Variants in PEBP4 observed in about 807,000 individuals in gnomAD.
The protein encoded by PEBP4 is phosphatidylethanolamine-binding protein 4.
A neutral mutation model predicts 23.9 loss-of-function variants in PEBP4; 22 were observed. The ratio of observed to expected loss-of-function variants is 0.92; its 90% CI spans 0.66 to 1.31. The LOEUF (loss-of-function observed/expected upper bound fraction) is 1.31, where lower values mean the gene tolerates loss of function less well. Ranked by LOEUF, PEBP4 falls within the 40% of genes most tolerant of loss-of-function variation. The probability of loss-of-function intolerance (pLI) is 0.00; values close to 1 mark genes in which losing one functional copy is unlikely to be tolerated. For synonymous variants in PEBP4, 112 were observed against 99.3 expected (o/e 1.13, Z -0.76); for missense variants, 324 against 281.7 (o/e 1.15, Z -1.07).
At chr8:22,821,244 G>C (rs1806851219) in intron 3 of PEBP4, among the ~76,000 whole-genome samples, 8 of 152,068 alleles carry the variant, frequency 5.3e-5, no homozygotes, top group Admixed American at 3.9e-4. Flanking sequence ...GAAGAGGATA[G>C]AATAAAGGAT....
intron 3 of PEBP4, among the ~76,000 whole-genome samples, chr8:22,861,415 C>G (rs191531237): frequency 6.6e-6 from 1 of 152,220 alleles, no homozygotes; most frequent in Non-Finnish European, 1.5e-5. Context: ...ATATCGACTA[C>G]TATCCCCATT....
At chr8:22,769,729 G>A (rs1805681114) in intron 4 of PEBP4, among the ~76,000 whole-genome samples, 1 of 152,082 alleles carries the variant, frequency 6.6e-6, no homozygotes, top group African/African-American at 2.4e-5. Context: ...AATGTCGCCA[G>A]CATATGTCCC....
At chr8:22,821,138 G>A (rs796495066) in intron 3 of PEBP4, among the ~76,000 whole-genome samples, 12 of 152,310 alleles carry the variant, frequency 7.9e-5, no homozygotes, top group African/African-American at 2.9e-4. Flanking sequence ...AGTGAGCCAT[G>A]ACTGCACCAC....
chr8:22,725,076 C>A (rs1179196625), intron 5 of PEBP4, 120 bp from the exon 6 acceptor site: 4 of 665,836 alleles, frequency 6.0e-6, no homozygotes, highest in South Asian at 1.7e-5. Flanking sequence ...CTCGGCCCTG[C>A]AAAACATTAG....
intron 5 of PEBP4, 48 bp from the exon 6 acceptor site, chr8:22,725,004 C>G: frequency 1.3e-6 from 2 of 1,503,482 alleles, no homozygotes; most frequent in Non-Finnish European, 1.8e-6. Context: ...CCCATACTAC[C>G]GAGGGCAGAG....
At chr8:22,839,585 A>G (rs1195685168) in intron 3 of PEBP4, among the ~76,000 whole-genome samples, 1 of 152,224 alleles carries the variant, frequency 6.6e-6, no homozygotes, top group East Asian at 1.9e-4. Flanking sequence ...GAAAAGGACT[A>G]CAAGGGATGA....
intron 4 of PEBP4, chr8:22,745,617 C>T (rs1222735011): frequency 6.6e-6 from 1 of 152,510 alleles, no homozygotes. Context: ...AGCATTCCCT[C>T]CCCTCACCCT....
chr8:22,902,507 C>A (rs536536560), intron 3 of PEBP4, among the ~76,000 whole-genome samples: 5 of 152,170 alleles, frequency 3.3e-5, no homozygotes, highest in African/African-American at 1.2e-4. Context: ...TATGACAAGC[C>A]CCATGTTGCT....
chr8:22,777,528 T>C (rs368518265), intron 4 of PEBP4, among the ~76,000 whole-genome samples: 319 of 152,236 alleles, frequency 2.1e-3, no homozygotes, highest in African/African-American at 7.3e-3. Context: ...TGAGGCCACA[T>C]TGACAGGACC....
At chr8:22,831,428 A>G (rs773986514) in intron 3 of PEBP4, among the ~76,000 whole-genome samples, 2 of 152,198 alleles carry the variant, frequency 1.3e-5, no homozygotes, top group Non-Finnish European at 2.9e-5. Flanking sequence ...GTAGACACTC[A>G]ATAAATATTT....
chr8:22,780,913 T>G (rs1805901029), intron 4 of PEBP4, among the ~76,000 whole-genome samples: 1 of 152,222 alleles, frequency 6.6e-6, no homozygotes. Context: ...CAGCCTGTCT[T>G]TCTTAGTGAA....
intron 3 of PEBP4, among the ~76,000 whole-genome samples, chr8:22,866,159 G>A (rs1807898307): frequency 2.6e-5 from 4 of 152,238 alleles, no homozygotes; most frequent in Admixed American, 2.6e-4. Flanking sequence ...AGTCACCCTG[G>A]CGTCTCCATT....
intron 3 of PEBP4, among the ~76,000 whole-genome samples, chr8:22,918,332 A>G (rs2128780332): frequency 6.6e-6 from 1 of 152,274 alleles, no homozygotes; most frequent in African/African-American, 2.4e-5. Context: ...TTTCTTGACC[A>G]CAGCTCTGTG....
In PEBP4 at chr8:22,888,365, G is replaced by T. The variant is rs1469175128; in HGVS notation, c.258+31819C>A. Among the ~76,000 whole-genome samples the T allele has an allele frequency of 2.0e-5, 3 of 152,116 alleles. No individual in the cohort carries two copies. In the East Asian group the frequency reaches 5.8e-4, roughly 29 times the overall value. ...CATGGGGTTTCAGCATGTTTGCCAG[G>T]CTGGTCTCGAACTCCTGACCTCAGG... On this transcript the variant is annotated intron_variant, in intron 3 of 6. Coordinates refer to ENST00000256404, the MANE Select transcript of PEBP4 (RefSeq NM_144962.3).
chr8:22,855,327 G>A (rs968728604), intron 3 of PEBP4, among the ~76,000 whole-genome samples: 1 of 152,192 alleles, frequency 6.6e-6, no homozygotes, highest in Non-Finnish European at 1.5e-5. Context: ...ACATTACTGT[G>A]AATGCAGGGA....
intron 3 of PEBP4, among the ~76,000 whole-genome samples, chr8:22,899,885 G>A (rs1202202358): frequency 1.3e-5 from 2 of 151,854 alleles, no homozygotes; most frequent in African/African-American, 4.9e-5. Context: ...TTATGCATGA[G>A]GAGATCAAGA....
At chr8:22,767,933 T>C (rs1468685964) in intron 4 of PEBP4, among the ~76,000 whole-genome samples, 1 of 152,106 alleles carries the variant, frequency 6.6e-6, no homozygotes, top group East Asian at 1.9e-4. Context: ...GAGATGGGGT[T>C]TCTCCAGGCC....
chr8:22,836,973 A>G (rs1017620178), intron 3 of PEBP4, among the ~76,000 whole-genome samples: 8 of 152,172 alleles, frequency 5.3e-5, no homozygotes, highest in African/African-American at 1.9e-4. Flanking sequence ...CTATCTCCCA[A>G]GCTACATTCA....
At chr8:22,815,386 A>T (rs533535944) in intron 4 of PEBP4, among the ~76,000 whole-genome samples, 2 of 152,292 alleles carry the variant, frequency 1.3e-5, no homozygotes, top group African/African-American at 4.8e-5. Context: ...TCGTCTGCCA[A>T]TTCGAATGCA....
Sources: gnomAD v4.1 joint callset for allele counts (sites outside exome capture counted in the v4.1 genomes callset) on GRCh38, gnomAD v4.1.1 for gene constraint, MANE v1.5 for transcripts, NCBI Gene and HGNC (gene_info 2026-07-23, HGNC 2026-07-21) for gene names.